The following IQCM variants were observed in gnomAD, a reference collection of about 807,000 sequenced individuals.
IQCM encodes IQ motif containing M.
IQCM carries 45 observed loss-of-function variants against 57.6 expected under a neutral mutation model. The ratio of observed to expected loss-of-function variants is 0.78; its 90% CI spans 0.62 to 1.00. The LOEUF is 1.00. Among genes scored for constraint, IQCM ranks in the 50% least tolerant of loss-of-function variants. The pLI is 0.00. For synonymous variants in IQCM, 148 were observed against 158.9 expected, an observed-to-expected ratio of 0.93 and a Z score of 0.51; for missense variants, 468 against 511.6, an observed-to-expected ratio of 0.91 and a Z score of 0.82.
intron 12 of IQCM, among the ~76,000 whole-genome samples, chr4:149,493,369 G>A (rs1047202698): frequency 2.0e-5 from 3 of 151,864 alleles, no homozygotes; most frequent in Admixed American, 1.3e-4. Context: ...GACAAAATTA[G>A]GATTTTTAAA....
At chr4:149,509,333 A>G (rs1303007363) in intron 12 of IQCM, among the ~76,000 whole-genome samples, 1 of 151,712 alleles carries the variant, frequency 6.6e-6, no homozygotes, top group Non-Finnish European at 1.5e-5. Flanking sequence ...GCTGGGGTGC[A>G]GTGACACAAC....
intron 7 of IQCM, among the ~76,000 whole-genome samples, chr4:149,635,860 C>T (rs943599960): frequency 6.6e-6 from 1 of 151,976 alleles, no homozygotes; most frequent in Non-Finnish European, 1.5e-5. Context: ...TGGGGCTCAT[C>T]AATTAATCAA....
chr4:149,774,172 C>T (rs1770847100), intron 2 of IQCM, among the ~76,000 whole-genome samples: 1 of 151,870 alleles, frequency 6.6e-6, no homozygotes, highest in South Asian at 2.1e-4. Context: ...AGAAAATAGA[C>T]TACATTGACC....
At chr4:149,700,063 C>T (rs181121075) in intron 5 of IQCM, among the ~76,000 whole-genome samples, 12 of 151,754 alleles carry the variant, frequency 7.9e-5, no homozygotes, top group Middle Eastern at 6.8e-3. Context: ...CATTGTGTTG[C>T]CCCAAAGAGG....
chr4:149,729,204 T>C (rs767864215), intron 5 of IQCM, among the ~76,000 whole-genome samples: 12 of 152,222 alleles, frequency 7.9e-5, no homozygotes. Context: ...TTCAGTGGCC[T>C]CTTGATCTAC....
chr4:149,566,275 AG>A (rs1404094405), intron 9 of IQCM, among the ~76,000 whole-genome samples: 1 of 152,216 alleles, frequency 6.6e-6, no homozygotes, highest in Admixed American at 6.5e-5. Context: ...AGGAAATAAG[AG>A]GACTGTTATA....
chr4:149,624,965 G>A (rs570006355), intron 7 of IQCM, among the ~76,000 whole-genome samples: 19 of 152,148 alleles, frequency 1.2e-4, no homozygotes, highest in East Asian at 1.2e-3. Flanking sequence ...CAATTCTCTC[G>A]TATCAATTAA....
intron 2 of IQCM, among the ~76,000 whole-genome samples, chr4:149,760,042 G>A (rs72728510): frequency 0.4 from 60,291 of 150,414 alleles, 14,264 homozygotes; most frequent in Middle Eastern, 0.54. Context: ...GGAAGGGAAG[G>A]AGGGAGGGAC....
intron 7 of IQCM, among the ~76,000 whole-genome samples, chr4:149,674,590 A>T (rs1761589124): frequency 6.6e-6 from 1 of 152,128 alleles, no homozygotes; most frequent in Admixed American, 6.6e-5. Flanking sequence ...TGGGCGAAGC[A>T]TGAAAAGAGT....
At chr4:149,481,542 G>A (rs1740771585) in intron 12 of IQCM, among the ~76,000 whole-genome samples, 1 of 151,678 alleles carries the variant, frequency 6.6e-6, no homozygotes, top group Non-Finnish European at 1.5e-5. Context: ...TTCTTGGCTT[G>A]TCAAAAATGA....
intron 9 of IQCM, among the ~76,000 whole-genome samples, chr4:149,576,938 T>G (rs1751716270): frequency 6.6e-6 from 1 of 152,106 alleles, no homozygotes; most frequent in East Asian, 1.9e-4. Flanking sequence ...TTCTTACTGG[T>G]GTGAGATGGT....
intron 7 of IQCM, among the ~76,000 whole-genome samples, chr4:149,645,703 G>A (rs958280216): frequency 6.6e-6 from 1 of 152,124 alleles, no homozygotes; most frequent in East Asian, 1.9e-4. Flanking sequence ...CATATGGGGT[G>A]TAGATCCCTT....
At chr4:149,421,897 T>C (rs1734146412) in intron 13 of IQCM, among the ~76,000 whole-genome samples, 1 of 152,084 alleles carries the variant, frequency 6.6e-6, no homozygotes, top group Admixed American at 6.6e-5. Flanking sequence ...TATAATATTA[T>C]ATAATCAAAA....
intron 8 of IQCM, among the ~76,000 whole-genome samples, chr4:149,590,247 C>CTTTTTTTTTTTTTTTTTTTTTTCTTTTCT (rs71596214): frequency 1.4e-5 from 1 of 73,630 alleles, no homozygotes; most frequent in African/African-American, 5.4e-5. Context: ...TTTTTCTTTC[C>CTTTTTTTTTTTTTTTTTTTTTTCTTTTCT]TTTTTTTTTT....
At chr4:149,560,920 C>A (rs1020741701) in intron 10 of IQCM, among the ~76,000 whole-genome samples, 1 of 152,104 alleles carries the variant, frequency 6.6e-6, no homozygotes, top group African/African-American at 2.4e-5. Context: ...CCCTCTAGAG[C>A]AGAAAGTTAT....
At chr4:149,613,731 C>T (rs1188595578) in intron 8 of IQCM, among the ~76,000 whole-genome samples, 1 of 152,100 alleles carries the variant, frequency 6.6e-6, no homozygotes, top group Non-Finnish European at 1.5e-5. Flanking sequence ...CCCCCCACCC[C>T]ACAACAGGCC....
intron 12 of IQCM, among the ~76,000 whole-genome samples, chr4:149,536,348 T>C (rs1428157290): frequency 6.6e-6 from 1 of 151,994 alleles, no homozygotes; most frequent in African/African-American, 2.4e-5. Flanking sequence ...TGGCTCCCTC[T>C]CCAGGTACCC....
At chr4:149,371,124 G>A (rs972054243) in intron 13 of IQCM, among the ~76,000 whole-genome samples, 1 of 152,108 alleles carries the variant, frequency 6.6e-6, no homozygotes, top group Non-Finnish European at 1.5e-5. Flanking sequence ...TTATCAAACA[G>A]GGTCTACATC....
At chr4:149,392,279 G>A (rs1731915348) in intron 13 of IQCM, among the ~76,000 whole-genome samples, 1 of 151,962 alleles carries the variant, frequency 6.6e-6, no homozygotes, top group Non-Finnish European at 1.5e-5. Flanking sequence ...ACTTTTGGTT[G>A]GGCAAAAATA....
Sources: gnomAD v4.1 joint callset for allele counts (sites outside exome capture counted in the v4.1 genomes callset) on GRCh38, gnomAD v4.1.1 for gene constraint, MANE v1.5 for transcripts, NCBI Gene and HGNC (gene_info 2026-07-23, HGNC 2026-07-21) for gene names.